Variants in GRM5 observed in about 807,000 individuals in gnomAD.
The protein encoded by GRM5 is metabotropic glutamate receptor 5.
In GRM5, 19 loss-of-function variants were observed where a neutral mutation model predicts 83.1. That is an observed-to-expected ratio of 0.23 (90% CI 0.16 to 0.34). GRM5 has a LOEUF of 0.34. Among genes scored for constraint, GRM5 ranks in the 10% least tolerant of loss-of-function variants. The pLI, the probability that GRM5 is intolerant of heterozygous loss-of-function variation, is 1.00. For missense variants in GRM5, 1,160 were observed against 1,588.3 expected, an observed-to-expected ratio of 0.73 and a Z score of 4.58; for synonymous variants, 675 against 633.6, an observed-to-expected ratio of 1.07 and a Z score of -0.98.
intron 3 of GRM5, among the ~76,000 whole-genome samples, chr11:88,834,466 C>A (rs1421566939): frequency 1.3e-5 from 2 of 152,114 alleles, no homozygotes; most frequent in East Asian, 3.9e-4. Flanking sequence ...GAACTAATGA[C>A]TGAATGATAT....
intron 3 of GRM5, among the ~76,000 whole-genome samples, chr11:88,704,293 A>G (rs1406984039): frequency 6.6e-6 from 1 of 152,086 alleles, no homozygotes; most frequent in Non-Finnish European, 1.5e-5. Context: ...TATTTTAAGA[A>G]AACTAATGCT....
At position 88,801,930 on chromosome 11, in the gene GRM5, A is replaced by G. The variant is rs1416712711; in HGVS notation, c.911+47976T>C. Among the ~76,000 whole-genome samples, 2 of 152,204 alleles carry G rather than the reference A, an allele frequency of 1.3e-5. 1 individual carries two copies. Among genetic ancestry groups the G allele is most frequent in the South Asian group, 4.1e-4 (2 of 4,830 alleles). On this transcript the variant is annotated intron_variant, in intron 3 of 9. Transcript: ENST00000305447. ...AGCAGAGGTTAACCCTTTTCTGGTT[A>G]CACCCATGTGGATGATGCAATAAGG...
chr11:88,506,946 T>C lies in GRM5; in HGVS notation c.*1646A>G, dbSNP rs1302612572. The C allele has an allele frequency of 1.4e-5, 2 of 143,756 alleles. No individual in the cohort carries two copies. Among genetic ancestry groups the C allele is most frequent in the African/African-American group, 6.0e-5 (2 of 33,466 alleles). 8.9% of individuals were successfully genotyped at this position (143,756 alleles called of 1,614,324 possible). On this transcript the variant is annotated 3_prime_UTR_variant, in exon 10 of 10. Coordinates refer to ENST00000305447, the MANE Select transcript of GRM5 (RefSeq NM_001143831.3). ...TCTGCCTCACAGCACATATTTTTCA[T>C]AAGGCTATCTTAAGTATAAGGCTGG...
intron 3 of GRM5, among the ~76,000 whole-genome samples, chr11:88,847,125 T>C (rs1944314307): frequency 6.6e-6 from 1 of 152,186 alleles, no homozygotes; most frequent in Non-Finnish European, 1.5e-5. Context: ...TATTAACTTT[T>C]GCTTTTCTGT....
chr11:89,019,744 T>A (rs1272496364), intron 2 of GRM5, among the ~76,000 whole-genome samples: 11 of 152,080 alleles, frequency 7.2e-5, no homozygotes, highest in Non-Finnish European at 1.6e-4. Context: ...TTATCTCCAA[T>A]ACTTCCCAAA....
rs567967431 is a variant in GRM5, at chr11:88,873,143, T to C, written c.662-22988A>G. Among the ~76,000 whole-genome samples the C allele has an allele frequency of 4.2e-4, 64 of 151,670 alleles. 1 individual carries two copies. The highest frequency in any genetic ancestry group is 1.4e-3 in the African/African-American group (60 of 41,486). On this transcript the variant is annotated intron_variant, in intron 2 of 9. Coordinates refer to ENST00000305447, the MANE Select transcript of GRM5 (RefSeq NM_001143831.3). ...ACACTCACAATGATAAAAGAGTCAA[T>C]AGAGCAACAGGATATAACAAATATA...
intron 8 of GRM5, among the ~76,000 whole-genome samples, chr11:88,564,688 T>C (rs2135167314): frequency 6.6e-6 from 1 of 152,344 alleles, no homozygotes; most frequent in South Asian, 2.1e-4. Flanking sequence ...AAAATCATTA[T>C]TGAGCATATT....
intron 8 of GRM5, among the ~76,000 whole-genome samples, chr11:88,553,736 A>T (rs919361269): frequency 3.3e-5 from 5 of 152,126 alleles, no homozygotes; most frequent in African/African-American, 1.2e-4. Flanking sequence ...CTCAGAGCCA[A>T]CCTAGGGATG....
chr11:89,022,016 C>A (rs1940997238), intron 2 of GRM5, among the ~76,000 whole-genome samples: 1 of 152,074 alleles, frequency 6.6e-6, no homozygotes, highest in Non-Finnish European at 1.5e-5. Context: ...CTTAACAAAA[C>A]AAAACAGAGT....
intron 4 of GRM5, among the ~76,000 whole-genome samples, chr11:88,638,954 G>C (rs1939215174): frequency 1.3e-5 from 2 of 151,588 alleles, no homozygotes; most frequent in Non-Finnish European, 1.5e-5. Flanking sequence ...TTGTGTTTCT[G>C]TCTTCTGTAT....
chr11:88,703,029 A>T (rs1451043744), intron 3 of GRM5, among the ~76,000 whole-genome samples: 2 of 152,086 alleles, frequency 1.3e-5, no homozygotes, highest in Non-Finnish European at 2.9e-5. Context: ...CATGCTTTAA[A>T]TTGGGGGATA....
intron 2 of GRM5, chr11:88,984,930 A>G (rs2135030964): frequency 5.1e-6 from 3 of 592,176 alleles, no homozygotes; most frequent in East Asian, 2.9e-5. Context: ...TTTAAATGCC[A>G]TTTTAATAAT....
chr11:88,797,172 CAG>C (rs1943296252), intron 3 of GRM5, among the ~76,000 whole-genome samples: 1 of 151,928 alleles, frequency 6.6e-6, no homozygotes, highest in Non-Finnish European at 1.5e-5. Flanking sequence ...TTTTTAGAGA[CAG>C]AGTCTTGCTC....
chr11:89,041,644 G>A (rs1238224082), intron 2 of GRM5, among the ~76,000 whole-genome samples: 2 of 152,278 alleles, frequency 1.3e-5, no homozygotes, highest in Admixed American at 6.5e-5. Flanking sequence ...AGGAGGGAAT[G>A]CCCCTCTAAA....
chr11:88,527,267 C>T (rs1011635865), intron 8 of GRM5, among the ~76,000 whole-genome samples: 7 of 152,140 alleles, frequency 4.6e-5, no homozygotes, highest in African/African-American at 1.4e-4. Context: ...TTTTGAATAT[C>T]TTCTGTTAGG....
At chr11:88,726,877 C>A (rs1401193464) in intron 3 of GRM5, among the ~76,000 whole-genome samples, 1 of 152,178 alleles carries the variant, frequency 6.6e-6, no homozygotes, top group African/African-American at 2.4e-5. Flanking sequence ...CTTACAAAAG[C>A]TCCTGAAGAA....
rs1041555044 is a variant in GRM5 at position 88,506,576 on chromosome 11, T to G, written c.*2016A>C. The G allele has an allele frequency of 6.6e-6, 1 of 152,176 alleles. No individual in the cohort carries two copies. The highest frequency in any genetic ancestry group is 1.5e-5 in the Non-Finnish European group (1 of 68,026). 9.4% of individuals were successfully genotyped at this position (152,176 alleles called of 1,614,324 possible). ...ATTTTAAAAGCCTCGGTGTAATATTTGGGATCAGGGTGCTGTGATGATGTT... is the reference window on the plus strand; with the variant it reads ...ATTTTAAAAGCCTCGGTGTAATATTGGGGATCAGGGTGCTGTGATGATGTT... On this transcript the variant is annotated 3_prime_UTR_variant, in exon 10 of 10. Coordinates refer to ENST00000305447, the MANE Select transcript of GRM5 (RefSeq NM_001143831.3).
intron 3 of GRM5, among the ~76,000 whole-genome samples, chr11:88,726,536 A>AAAAC (rs1225587304): frequency 6.6e-6 from 1 of 152,182 alleles, no homozygotes; most frequent in East Asian, 1.9e-4. Flanking sequence ...AAAATATACA[A>AAAAC]AAACACCACA....
chr11:88,527,174 G>A (rs1410259026), intron 8 of GRM5, among the ~76,000 whole-genome samples: 6 of 152,244 alleles, frequency 3.9e-5, no homozygotes, highest in South Asian at 2.1e-4. Context: ...AATACTGCTC[G>A]ACAGCTCAAA....
Sources: gnomAD v4.1 joint callset for allele counts (sites outside exome capture counted in the v4.1 genomes callset) on GRCh38, gnomAD v4.1.1 for gene constraint, MANE v1.5 for transcripts, NCBI Gene and HGNC (gene_info 2026-07-23, HGNC 2026-07-21) for gene names.